Variants in ITGAE observed in about 807,000 individuals in gnomAD.
ITGAE encodes integrin subunit alpha E.
In ITGAE, 99 loss-of-function variants were observed where a neutral mutation model predicts 136.5. That is an observed-to-expected ratio of 0.73 (90% confidence interval 0.62 to 0.86). The LOEUF is 0.86. ITGAE is among the 40% of genes least tolerant of loss of function. The pLI is 0.00. For missense variants in ITGAE, 1,447 were observed against 1,515.3 expected (o/e 0.95, Z 0.75); for synonymous variants, 613 against 591.8 (o/e 1.04, Z -0.52).
In ITGAE at chr17:3,743,505, G is replaced by C. The variant is rs757401984; in HGVS notation, c.2432C>G (p.Pro811Arg). 1 of 1,599,302 alleles carries C rather than the reference G, an allele frequency of 6.3e-7. No individual in the cohort carries two copies. Among genetic ancestry groups the C allele is most frequent in the African/African-American group, 1.4e-5 (1 of 74,004 alleles). The change falls in exon 19 of 31, where the codon CCC (proline) becomes CGC (arginine). Residue 811 changes from proline to arginine, a missense_variant. Pro to Arg is a moderately radical substitution (Grantham distance 103, BLOSUM62 -2). Coordinates refer to ENST00000263087, the MANE Select transcript of ITGAE (RefSeq NM_002208.5). Reference protein sequence around the residue: ...PQPILDRYTEPFAIFQLPYEK... With the variant: ...PQPILDRYTERFAIFQLPYEK... ...TAGAGTCACCTGGAAGATGGCAAAGGGCTCAGTGTAGCGGTCCAGGATGGG... is the reference window on the plus strand; with the variant it reads ...TAGAGTCACCTGGAAGATGGCAAAGCGCTCAGTGTAGCGGTCCAGGATGGG...
intron 10 of ITGAE, among the ~76,000 whole-genome samples, chr17:3,756,651 G>A (rs936948508): frequency 3.3e-5 from 5 of 152,140 alleles, no homozygotes; most frequent in African/African-American, 7.2e-5. Context: ...GTGATCCACC[G>A]GCCTTGGCCT....
Position 3,748,027 on chromosome 17 carries a change from C to T in ITGAE, c.2050G>A (p.Val684Ile), listed in dbSNP as rs780532341. 1 of 1,612,766 alleles carries T rather than the reference C, an allele frequency of 6.2e-7. No homozygotes were observed. The change falls in exon 17 of 31, where the codon GTC (valine) becomes ATC (isoleucine). Residue 684 changes from valine to isoleucine, a missense_variant. Val to Ile is a conservative substitution (Grantham distance 29). This residue lies in a region of ITGAE where 1,031 missense variants were observed against 1,011.4 expected (regional missense o/e 1.02). Coordinates refer to ENST00000263087, the MANE Select transcript of ITGAE (RefSeq NM_002208.5). ...GCGCTGGGGGTGAAGGCCATGGAGACCTTCAGGCGAACCACAGGCCGGGAG... is the reference window on the plus strand; with the variant it reads ...GCGCTGGGGGTGAAGGCCATGGAGATCTTCAGGCGAACCACAGGCCGGGAG... Reference protein sequence around the residue: ...FRSRPVVRLKVSMAFTPSALP... With the variant: ...FRSRPVVRLKISMAFTPSALP...
At chr17:3,761,642 C>G in intron 4 of ITGAE, 122 bp from the exon 5 acceptor site, 1 of 891,846 alleles carries the variant, frequency 1.1e-6, no homozygotes, top group Middle Eastern at 3.1e-4. Context: ...ACAGGAAGAG[C>G]TGGCCCACCC....
At chr17:3,734,985 T>C in intron 20 of ITGAE, 36 bp from the exon 21 acceptor site, 1 of 1,612,470 alleles carries the variant, frequency 6.2e-7, no homozygotes, top group Admixed American at 1.7e-5. Context: ...TACAGTTTAT[T>C]TCATCTGTAA....
Position 3,755,143 on chromosome 17 carries a change from G to C in ITGAE, c.1358C>G (p.Ala453Gly). Reference protein sequence around the residue: ...LNQTAAAAADAEAAQYSYLGY... With the variant: ...LNQTAAAAADGEAAQYSYLGY... ...CAGGTAGCTGTACTGCGCAGCCTCC[G>C]CGTCTGCCGCCGCCGCCGCTGTCTG... is the stretch of plus-strand genomic sequence containing the variant. Residue 453 changes from alanine to glycine, a missense_variant, in exon 12 of 31, where the codon GCG (alanine) becomes GGG (glycine). This residue lies in a region of ITGAE where 1,031 missense variants were observed against 1,011.4 expected (regional missense o/e 1.02). Coordinates refer to ENST00000263087, the MANE Select transcript of ITGAE (RefSeq NM_002208.5). 6.6e-7 allele frequency: 1 copy of C among 1,525,504 alleles called. No individual in the cohort carries two copies. Among genetic ancestry groups the C allele is most frequent in the African/African-American group, 1.4e-5 (1 of 70,666 alleles). 94.5% of individuals were successfully genotyped at this position (1,525,504 alleles called of 1,614,324 possible). A position where few individuals can be genotyped will look rare whatever the true frequency, so the allele number is the denominator to read the frequency against.
intron 12 of ITGAE, 53 bp downstream of exon 12, chr17:3,755,064 A>AGGCTCCGCCCTCATCAGGT (rs2051978148): frequency 2.7e-6 from 2 of 752,386 alleles, no homozygotes; most frequent in Admixed American, 3.1e-5. Context: ...GGGAGCCTCC[A>AGGCTCCGCCCTCATCAGGT]GGCCCCGCCC....
chr17:3,755,522 T>C lies in ITGAE; in HGVS notation c.1240-261A>G, dbSNP rs189128773. On this transcript the variant is annotated intron_variant, in intron 11 of 30. Transcript: ENST00000263087. ...CTGACCCAGGCCGAGTCCTGTTGCC[T>C]GGTCTGTATTCAGGGGAACAACTGG... 7.5e-3 allele frequency among the ~76,000 whole-genome samples: 1,139 copies of C among 152,274 alleles called. 17 individuals are homozygous for C. The highest frequency in any genetic ancestry group is 0.01 in the Middle Eastern group (3 of 294).
rs1236358167 is a variant in ITGAE at position 3,714,795 on chromosome 17, G to T, written c.*52C>A. ...GGAAAAAGTAATGCAAAGGATGCTGGGTCTCCAAGTCCCAGGACTGGCTGA... is the reference window on the plus strand; with the variant it reads ...GGAAAAAGTAATGCAAAGGATGCTGTGTCTCCAAGTCCCAGGACTGGCTGA... On this transcript the variant is annotated 3_prime_UTR_variant, in exon 31 of 31. Coordinates refer to ENST00000263087, the MANE Select transcript of ITGAE (RefSeq NM_002208.5). 1 of 984,696 alleles carries T rather than the reference G, an allele frequency of 1.0e-6. No individual in the cohort carries two copies. Among genetic ancestry groups the T allele is most frequent in the African/African-American group, 1.6e-5 (1 of 61,820 alleles). The allele number at this position is 984,696 out of a possible 1,614,324, so 61.0% of individuals were successfully genotyped here. A position where few individuals can be genotyped will look rare whatever the true frequency, so the allele number is the denominator to read the frequency against.
Position 3,760,310 on chromosome 17 carries a change from G to A in ITGAE, c.599-23C>T, listed in dbSNP as rs771081727. 12 of 1,459,578 alleles carry A rather than the reference G, an allele frequency of 8.2e-6. No homozygotes were observed. The Admixed American group carries it at 2.0e-4, about 25-fold the overall frequency. The allele number at this position is 1,459,578 out of a possible 1,614,324, so 90.4% of individuals were successfully genotyped here. On this transcript the variant is annotated intron_variant, in intron 6 of 30. Coordinates refer to ENST00000263087, the MANE Select transcript of ITGAE (RefSeq NM_002208.5). ...TGCCTGGCCAAGACAAACAGGTCAG[G>A]AGTGGGCATGGGATGTGAGGCAGAT...
chr17:3,767,998 G>A (rs2052338243), intron 2 of ITGAE, among the ~76,000 whole-genome samples: 1 of 152,152 alleles, frequency 6.6e-6, no homozygotes, highest in Non-Finnish European at 1.5e-5. Context: ...CTCCCCCAGA[G>A]CTTCTAGAAG....
intron 28 of ITGAE, among the ~76,000 whole-genome samples, chr17:3,721,260 C>CTT (rs869087347): frequency 0.015 from 694 of 46,234 alleles, 107 homozygotes; most frequent in Non-Finnish European, 0.021. Flanking sequence ...GAGATTTTTC[C>CTT]TTTTTTTTTT....
At chr17:3,784,403 C>CTTT (rs759720709) in intron 1 of ITGAE, 14 of 231,102 alleles carry the variant, frequency 6.1e-5, no homozygotes, top group African/African-American at 3.1e-4. Context: ...AAACATTTTT[C>CTTT]TTTTTTTTTT....
At chr17:3,734,477 G>A (rs1276712982) in intron 21 of ITGAE, among the ~76,000 whole-genome samples, 1 of 152,306 alleles carries the variant, frequency 6.6e-6, no homozygotes, top group East Asian at 1.9e-4. Context: ...TAGTATCTGT[G>A]TCTGTATCCA....
chr17:3,740,713 C>T (rs1413949435), intron 19 of ITGAE, among the ~76,000 whole-genome samples: 1 of 152,230 alleles, frequency 6.6e-6, no homozygotes, highest in Non-Finnish European at 1.5e-5. Context: ...TTTCCCTTGC[C>T]TACACATAAT....
intron 10 of ITGAE, among the ~76,000 whole-genome samples, chr17:3,756,519 G>C (rs1410504300): frequency 6.6e-6 from 1 of 150,882 alleles, no homozygotes; most frequent in Non-Finnish European, 1.5e-5. Context: ...CTTCTGTCTC[G>C]GGCTCCTGAG....
At chr17:3,784,092 C>G (rs2052725459) in intron 1 of ITGAE, among the ~76,000 whole-genome samples, 1 of 152,016 alleles carries the variant, frequency 6.6e-6, no homozygotes, top group African/African-American at 2.4e-5. Context: ...AACCCCGTCT[C>G]TACTAAAAAT....
chr17:3,733,321 T>G (rs547264206), intron 21 of ITGAE, among the ~76,000 whole-genome samples: 4 of 152,160 alleles, frequency 2.6e-5, no homozygotes, highest in Non-Finnish European at 5.9e-5. Flanking sequence ...GATACTGTCC[T>G]AGCCCAAATA....
Position 3,761,120 on chromosome 17 carries a change from T to A in ITGAE, c.491A>T (p.Glu164Val). The part of the protein sequence containing the change: ...VDTGDCYSNK[E>V]GGGEDDVNTA... ...GTTCACATCGTCTTCTCCACCGCCT[T>A]CTTTGTTGCTGTAGCAGTCTCCAGT... is the stretch of plus-strand genomic sequence containing the variant. The change falls in exon 6 of 31, where the codon GAA (glutamate) becomes GTA (valine). Residue 164 changes from glutamate (E) to valine (V), a missense_variant. Coordinates refer to ENST00000263087, the MANE Select transcript of ITGAE (RefSeq NM_002208.5). 1 of 1,613,284 alleles carries A rather than the reference T, an allele frequency of 6.2e-7. No individual in the cohort carries two copies. Among genetic ancestry groups the A allele is most frequent in the Non-Finnish European group, 8.5e-7 (1 of 1,180,004 alleles).
In ITGAE at chr17:3,755,220, G is replaced by T; in HGVS notation, c.1281C>A (p.Ser427=). 6.4e-7 allele frequency: 1 copy of T among 1,571,912 alleles called. No individual in the cohort carries two copies. Residue 427 remains serine (S), a synonymous_variant, in exon 12 of 31, where the codon TCC becomes TCA. Coordinates refer to ENST00000263087, the MANE Select transcript of ITGAE (RefSeq NM_002208.5). ...LLGAVGAFDW[S]GGALLYDTRS... ...GTGTGTCGTAGAGCAACGCCCCTCCGGACCAGTCAAAGGCCCCGACGGCGC... is the reference window on the plus strand; with the variant it reads ...GTGTGTCGTAGAGCAACGCCCCTCCTGACCAGTCAAAGGCCCCGACGGCGC...
Sources: gnomAD v4.1 joint callset for allele counts (sites outside exome capture counted in the v4.1 genomes callset) on GRCh38, gnomAD v4.1.1 for gene constraint, gnomAD v4.1.1 regional missense constraint, MANE v1.5 for transcripts, NCBI Gene and HGNC (gene_info 2026-07-23, HGNC 2026-07-21) for gene names.